The following MRTFA variants were observed in gnomAD, a reference collection of about 807,000 sequenced individuals.
MRTFA encodes myocardin-related transcription factor A.
MRTFA carries 20 observed loss-of-function variants against 83.5 expected under a neutral mutation model. The ratio of observed to expected loss-of-function variants is 0.24; its 90% CI spans 0.17 to 0.35. The LOEUF (loss-of-function observed/expected upper bound fraction) is 0.35, where lower values mean the gene tolerates loss of function less well. Ranked by LOEUF, MRTFA falls within the 10% of genes least tolerant of loss-of-function variation. The pLI, the probability that MRTFA is intolerant of heterozygous loss-of-function variation, is 1.00. For synonymous variants in MRTFA, 659 were observed against 541.2 expected, an observed-to-expected ratio of 1.22 and a Z score of -3.02; for missense variants, 1,200 against 1,224.7, an observed-to-expected ratio of 0.98 and a Z score of 0.30.
At chr22:40,513,061 G>C (rs930708109) in intron 3 of MRTFA, among the ~76,000 whole-genome samples, 5 of 152,164 alleles carry the variant, frequency 3.3e-5, no homozygotes, top group Non-Finnish European at 7.3e-5. Flanking sequence ...TACAAGGAGT[G>C]AGTCTGTTTG....
intron 3 of MRTFA, among the ~76,000 whole-genome samples, chr22:40,516,734 G>A (rs1377552787): frequency 6.6e-6 from 1 of 152,136 alleles, no homozygotes; most frequent in Non-Finnish European, 1.5e-5. Context: ...TTACTAGACT[G>A]TAATTCAAAA....
chr22:40,411,561 G>A lies in MRTFA; in HGVS notation c.2925C>T (p.Thr975=), dbSNP rs773947159. The change falls in exon 15 of 15, where the codon ACC becomes ACT. Residue 975 remains threonine (T), a synonymous_variant. Transcript: ENST00000355630. Reference sequence around the variant, plus strand: ...GGCCATCAGCCAGGTCCAGGCCCATGGTGCTGCTGGGCTCAGGAACAAAGT... The same window carrying A: ...GGCCATCAGCCAGGTCCAGGCCCATAGTGCTGCTGGGCTCAGGAACAAAGT... The A allele has an allele frequency of 5.6e-6, 9 of 1,613,816 alleles. No homozygotes were observed. Among genetic ancestry groups the A allele is most frequent in the Non-Finnish European group, 6.8e-6 (8 of 1,179,950 alleles).
intron 3 of MRTFA, among the ~76,000 whole-genome samples, chr22:40,515,242 T>C (rs2054738576): frequency 6.6e-6 from 1 of 152,108 alleles, no homozygotes; most frequent in South Asian, 2.1e-4. Flanking sequence ...TTTCATTCAT[T>C]AACATATGTT....
Position 40,461,903 on chromosome 22 carries a change from C to T in MRTFA, c.307+1318G>A, listed in dbSNP as rs564672884. 2.2e-3 allele frequency among the ~76,000 whole-genome samples: 338 copies of T among 152,328 alleles called. 2 individuals carry two copies. Among genetic ancestry groups the T allele is most frequent in the South Asian group, 5.8e-3 (28 of 4,834 alleles). ...TTACCCATCTTCACTTGCCCCTTCT[C>T]TCTCTCCACCATGCCCCAGCCACAC... On this transcript the variant is annotated intron_variant, in intron 4 of 14. Coordinates refer to ENST00000355630, the MANE Select transcript of MRTFA (RefSeq NM_020831.6).
intron 3 of MRTFA, among the ~76,000 whole-genome samples, chr22:40,502,012 C>T (rs2054490181): frequency 2.4e-5 from 3 of 127,122 alleles, no homozygotes; most frequent in African/African-American, 9.4e-5. Flanking sequence ...CCGGACGGGG[C>T]AGCTGGCCAG....
chr22:40,595,118 T>C (rs1391441395), intron 1 of MRTFA, among the ~76,000 whole-genome samples: 2 of 140,898 alleles, frequency 1.4e-5, no homozygotes, highest in Non-Finnish European at 3.1e-5. Flanking sequence ...ATAAATGCCT[T>C]TTTTTTTTTT....
chr22:40,577,270 G>T (rs997402361), intron 2 of MRTFA, among the ~76,000 whole-genome samples: 1 of 128,520 alleles, frequency 7.8e-6, no homozygotes, highest in African/African-American at 2.9e-5. Context: ...AAAAAAAAAA[G>T]ACTATAATGA....
At position 40,560,703 on chromosome 22, in the gene MRTFA, GATC is replaced by G. The variant is rs571744244; in HGVS notation, c.-21-8339_-21-8337del. 1.2e-4 allele frequency among the ~76,000 whole-genome samples: 19 copies of G among 152,250 alleles called. No individual in the cohort carries two copies. In the South Asian group the frequency reaches 3.9e-3, roughly 32 times the overall value. ...GTTTCTGGGCTGCTGATTCACATAT[GATC>G]AACAGCAGCCAGAACAAAAACAGCA... is the stretch of plus-strand genomic sequence containing the variant. On this transcript the variant is annotated intron_variant, in intron 2 of 14. Transcript: ENST00000355630.
At chr22:40,449,274 GAA>G (rs35140973) in intron 4 of MRTFA, among the ~76,000 whole-genome samples, 2 of 87,998 alleles carry the variant, frequency 2.3e-5, no homozygotes, top group Admixed American at 1.3e-4. Context: ...CTCCAAACGA[GAA>G]AAAAAAAAAA....
intron 1 of MRTFA, among the ~76,000 whole-genome samples, chr22:40,633,276 T>C (rs1281027729): frequency 6.6e-6 from 1 of 152,214 alleles, no homozygotes; most frequent in African/African-American, 2.4e-5. Context: ...TCATCTTATA[T>C]TCAAGAAATA....
chr22:40,414,092 A>G lies in MRTFA; in HGVS notation c.2579-2185T>C, dbSNP rs560910611. 2.6e-5 allele frequency among the ~76,000 whole-genome samples: 4 copies of G among 152,262 alleles called. 1 individual carries two copies. The East Asian group carries it at 7.7e-4, about 29-fold the overall frequency. ...GTTGGCTCATGCGTGTAATCCTATC[A>G]CTTTGGGAGGCCGAGGCGGGCAGAC... On this transcript the variant is annotated intron_variant, in intron 14 of 14. Transcript: ENST00000355630.
intron 4 of MRTFA, among the ~76,000 whole-genome samples, chr22:40,452,783 G>A (rs2147131895): frequency 1.4e-5 from 2 of 139,308 alleles, no homozygotes; most frequent in South Asian, 2.3e-4. Context: ...TCCTGCCTGG[G>A]CAACAGAGCA....
chr22:40,411,262 A>AG lies in MRTFA; in HGVS notation c.*127dup. ...CTTCTCTGTTCTAGCCTCCCAGGGA[A>AG]GGGAAAAAGCAGGGGCTGTGATTGT... On this transcript the variant is annotated 3_prime_UTR_variant, in exon 15 of 15. Coordinates refer to ENST00000355630, the MANE Select transcript of MRTFA (RefSeq NM_020831.6). The AG allele has an allele frequency of 9.8e-7, 1 of 1,023,978 alleles. No individual in the cohort carries two copies. Among genetic ancestry groups the AG allele is most frequent in the South Asian group, 1.8e-5 (1 of 55,772 alleles). 63.4% of individuals were successfully genotyped at this position (1,023,978 alleles called of 1,614,324 possible).
chr22:40,415,497 A>T (rs191016613), intron 14 of MRTFA: 2,244 of 152,202 alleles, frequency 0.015, 35 homozygotes, highest in South Asian at 0.032. Flanking sequence ...CTTTGCCTGC[A>T]CCCCTCAGCC....
At chr22:40,544,952 A>T (rs1170048801) in intron 3 of MRTFA, among the ~76,000 whole-genome samples, 2 of 150,252 alleles carry the variant, frequency 1.3e-5, no homozygotes, top group African/African-American at 2.4e-5. Flanking sequence ...ATAAATAAAT[A>T]AAATAAATAT....
chr22:40,416,164 C>G lies in MRTFA; in HGVS notation c.2578+822G>C, dbSNP rs1446381281. ...TCACCCCATCAATGGCCACTCCACCCTGGCCCTTTAGGCCACAGCCCTTGA... is the reference window on the plus strand; with the variant it reads ...TCACCCCATCAATGGCCACTCCACCGTGGCCCTTTAGGCCACAGCCCTTGA... On this transcript the variant is annotated intron_variant, in intron 14 of 14. Transcript: ENST00000355630. This position sits in a 1 kb window ranked among gnomAD's most constrained non-coding sequence, Gnocchi z 4.2. Among the ~76,000 whole-genome samples the G allele has an allele frequency of 6.6e-6, 1 of 152,228 alleles. No homozygotes were observed. Among genetic ancestry groups the G allele is most frequent in the African/African-American group, 2.4e-5 (1 of 41,458 alleles).
chr22:40,534,465 G>T (rs546626402), intron 3 of MRTFA, among the ~76,000 whole-genome samples: 3 of 152,054 alleles, frequency 2.0e-5, no homozygotes, highest in African/African-American at 4.8e-5. Flanking sequence ...TACTTTTTTT[G>T]TATGTTTGAG....
intron 3 of MRTFA, among the ~76,000 whole-genome samples, chr22:40,525,149 A>G (rs1290688870): frequency 6.6e-6 from 1 of 152,142 alleles, no homozygotes; most frequent in Non-Finnish European, 1.5e-5. Context: ...ATGTATGCTC[A>G]TCATAGAAAA....
At chr22:40,587,438 G>A in intron 2 of MRTFA, 1 of 341,372 alleles carries the variant, frequency 2.9e-6, no homozygotes, top group Non-Finnish European at 5.7e-6. Flanking sequence ...GCCCTTGCCA[G>A]CTCTCATTTG....
Sources: allele counts gnomAD v4.1 joint callset (sites outside exome capture counted in the v4.1 genomes callset), GRCh38; gene constraint gnomAD v4.1.1; non-coding constraint Gnocchi (gnomAD v3.1); transcripts MANE v1.5; gene names NCBI Gene and HGNC (gene_info 2026-07-23, HGNC 2026-07-21).